Variants in COL23A1 observed in about 807,000 individuals in gnomAD.
COL23A1 encodes the protein collagen alpha-1(XXIII) chain.
In COL23A1, 97 loss-of-function variants were observed where a neutral mutation model predicts 99.3. That is an observed-to-expected ratio of 0.98 (90% CI 0.83 to 1.16). COL23A1 has a LOEUF of 1.16. Ranked by LOEUF, COL23A1 falls within the 50% of genes most tolerant of loss-of-function variation. COL23A1 has a pLI of 0.00. For missense variants in COL23A1, 762 were observed against 757.4 expected, an observed-to-expected ratio of 1.01 and a Z score of -0.07; for synonymous variants, 320 against 308.2, an observed-to-expected ratio of 1.04 and a Z score of -0.40.
At chr5:178,524,747 G>A (rs1334161354) in intron 2 of COL23A1, among the ~76,000 whole-genome samples, 8 of 152,176 alleles carry the variant, frequency 5.3e-5, no homozygotes. Flanking sequence ...CTGAAGCAGG[G>A]CCTTCTTTTT....
chr5:178,490,175 G>A (rs1466611348), intron 2 of COL23A1, among the ~76,000 whole-genome samples: 4 of 151,098 alleles, frequency 2.6e-5, no homozygotes, highest in Non-Finnish European at 5.9e-5. Flanking sequence ...GCAGTAAGCC[G>A]AGATCACACA....
At position 178,415,659 on chromosome 5, in the gene COL23A1, C is replaced by T. The variant is rs1011429177; in HGVS notation, c.362-108740G>A. 5.3e-5 allele frequency among the ~76,000 whole-genome samples: 8 copies of T among 152,180 alleles called. No individual in the cohort carries two copies. Among genetic ancestry groups the T allele is most frequent in the Admixed American group, 1.3e-4 (2 of 15,278 alleles). ...CATGAGGGCAAGGGGACTGTGCGGG[C>T]GGCGGTGAGGTGGGCAGTCAGCAGA... On this transcript the variant is annotated intron_variant, in intron 2 of 28. Transcript: ENST00000390654. This position sits in a 1 kb window ranked among gnomAD's most constrained non-coding sequence, Gnocchi z 4.6.
At chr5:178,399,020 C>T (rs1462518172) in intron 2 of COL23A1, among the ~76,000 whole-genome samples, 1 of 152,258 alleles carries the variant, frequency 6.6e-6, no homozygotes, top group African/African-American at 2.4e-5. Context: ...AGTGCCCTTG[C>T]AGGGTCCCTG....
intron 2 of COL23A1, among the ~76,000 whole-genome samples, chr5:178,540,528 T>A (rs1377891377): frequency 6.6e-6 from 1 of 152,166 alleles, no homozygotes; most frequent in Non-Finnish European, 1.5e-5. Context: ...AAGACTCAAA[T>A]ACATGGAGAG....
At chr5:178,417,729 T>C (rs942264349) in intron 2 of COL23A1, among the ~76,000 whole-genome samples, 1 of 152,190 alleles carries the variant, frequency 6.6e-6, no homozygotes, top group Admixed American at 6.5e-5. Context: ...GCCCGCTTCA[T>C]CCAGGCCAAG....
At chr5:178,257,618 G>A (rs763720531) in intron 12 of COL23A1, 51 bp from the exon 13 acceptor site, 13 of 1,534,792 alleles carry the variant, frequency 8.5e-6, no homozygotes, top group Middle Eastern at 1.9e-4. Context: ...GGTGGCCAGT[G>A]GGCCCCTCCC....
At chr5:178,441,123 C>T (rs1050270415) in intron 2 of COL23A1, among the ~76,000 whole-genome samples, 4 of 152,160 alleles carry the variant, frequency 2.6e-5, no homozygotes, top group East Asian at 1.9e-4. Flanking sequence ...CCCAATAAGA[C>T]GTCTACTCTG....
chr5:178,494,631 C>T (rs1221208464), intron 2 of COL23A1, among the ~76,000 whole-genome samples: 2 of 152,214 alleles, frequency 1.3e-5, no homozygotes, highest in African/African-American at 4.8e-5. Context: ...GCCGAGATTG[C>T]ACCATTGCAC....
Position 178,544,222 on chromosome 5 carries a change from C to A in COL23A1, c.361+16460G>T, listed in dbSNP as rs966672227. Among the ~76,000 whole-genome samples, 1 of 152,156 alleles carries A rather than the reference C, an allele frequency of 6.6e-6. No homozygotes were observed. The highest frequency in any genetic ancestry group is 2.4e-5 in the African/African-American group (1 of 41,438). On this transcript the variant is annotated intron_variant, in intron 2 of 28. Transcript: ENST00000390654. This position sits in a 1 kb window ranked among gnomAD's most constrained non-coding sequence, Gnocchi z 4.4. ...CCCTCCCATGCAACCCTTCCTTCCC[C>A]TTCCCACCCCACCACCTCCCACTGA...
At chr5:178,299,971 C>G (rs529227025) in intron 3 of COL23A1, among the ~76,000 whole-genome samples, 1 of 152,260 alleles carries the variant, frequency 6.6e-6, no homozygotes, top group South Asian at 2.1e-4. Flanking sequence ...CCAGGTTGGT[C>G]TAGAACTCCT....
chr5:178,347,015 G>A (rs1761010104), intron 2 of COL23A1, among the ~76,000 whole-genome samples: 1 of 152,190 alleles, frequency 6.6e-6, no homozygotes, highest in African/African-American at 2.4e-5. Context: ...CCTGAAAAGG[G>A]GACCTGAGTC....
chr5:178,327,018 A>G (rs1456858518), intron 2 of COL23A1, among the ~76,000 whole-genome samples: 6 of 152,262 alleles, frequency 3.9e-5, no homozygotes. Context: ...GCACCGGGCC[A>G]AAAATGACTC....
At chr5:178,246,503 G>A (rs368882081) in intron 22 of COL23A1, 50 bp from the exon 23 acceptor site, 53 of 1,532,142 alleles carry the variant, frequency 3.5e-5, no homozygotes, top group Non-Finnish European at 4.0e-5. Flanking sequence ...TAGACAGACA[G>A]TAGGACAGGC....
chr5:178,363,325 A>C lies in COL23A1; in HGVS notation c.362-56406T>G, dbSNP rs142127487. Among the ~76,000 whole-genome samples, 1,040 of 152,234 alleles carry C rather than the reference A, an allele frequency of 6.8e-3. 6 individuals carry two copies. The highest frequency in any genetic ancestry group is 0.011 in the Non-Finnish European group (742 of 68,012). On this transcript the variant is annotated intron_variant, in intron 2 of 28. Coordinates refer to ENST00000390654, the MANE Select transcript of COL23A1 (RefSeq NM_173465.4). ...TCACTGTATACATTTTGCATCTCCAAGTTGTTGAAAACACTGACAGGATAG... is the reference window on the plus strand; with the variant it reads ...TCACTGTATACATTTTGCATCTCCACGTTGTTGAAAACACTGACAGGATAG...
intron 8 of COL23A1, 111 bp from the exon 9 acceptor site, chr5:178,263,435 A>T: frequency 2.9e-6 from 2 of 679,622 alleles, no homozygotes; most frequent in Non-Finnish European, 5.0e-6. Context: ...GCCCTTGGGC[A>T]GGCTCAAAGG....
At chr5:178,383,218 G>A (rs578117878) in intron 2 of COL23A1, among the ~76,000 whole-genome samples, 2 of 152,010 alleles carry the variant, frequency 1.3e-5, no homozygotes, top group Non-Finnish European at 2.9e-5. Context: ...AGGTGCTGCG[G>A]CTACTGGTCT....
At chr5:178,549,346 A>C (rs1472258422) in intron 2 of COL23A1, among the ~76,000 whole-genome samples, 1 of 152,214 alleles carries the variant, frequency 6.6e-6, no homozygotes, top group Non-Finnish European at 1.5e-5. Context: ...AGATGAAAAG[A>C]CACACAAATA....
chr5:178,501,970 C>T (rs1461621914), intron 2 of COL23A1, among the ~76,000 whole-genome samples: 1 of 152,180 alleles, frequency 6.6e-6, no homozygotes, highest in African/African-American at 2.4e-5. Flanking sequence ...AACAGAAGGG[C>T]ACTAAGAAGG....
At position 178,383,951 on chromosome 5, in the gene COL23A1, A is replaced by G. The variant is rs964017742; in HGVS notation, c.362-77032T>C. 2.6e-5 allele frequency among the ~76,000 whole-genome samples: 4 copies of G among 151,940 alleles called. No homozygotes were observed. In the East Asian group the frequency reaches 7.7e-4, roughly 29 times the overall value. ...AGACATGAATGGCTAGAGAGTTAAGAGAAGATCAAAATGGAAACCTGTTAT... is the reference window on the plus strand; with the variant it reads ...AGACATGAATGGCTAGAGAGTTAAGGGAAGATCAAAATGGAAACCTGTTAT... On this transcript the variant is annotated intron_variant, in intron 2 of 28. Transcript: ENST00000390654.
Sources: allele counts gnomAD v4.1 joint callset (sites outside exome capture counted in the v4.1 genomes callset), GRCh38; gene constraint gnomAD v4.1.1; non-coding constraint Gnocchi (gnomAD v3.1); transcripts MANE v1.5; gene names NCBI Gene and HGNC (gene_info 2026-07-23, HGNC 2026-07-21).